FNBP1L: variants seen among roughly 807,000 people sequenced by gnomAD.
FNBP1L encodes formin binding protein 1 like.
A neutral mutation model predicts 91.2 loss-of-function variants in FNBP1L; 36 were observed. The observed-to-expected ratio is 0.39, with a 90% CI of 0.30 to 0.52. FNBP1L has a LOEUF of 0.52. Ranked by LOEUF, FNBP1L falls within the 20% of genes least tolerant of loss-of-function variation. The pLI, the probability that FNBP1L is intolerant of heterozygous loss-of-function variation, is 0.66. For synonymous variants in FNBP1L, 242 were observed against 237.0 expected (o/e 1.02, Z -0.19); for missense variants, 571 against 732.1 (o/e 0.78, Z 2.54).
At chr1:93,509,243 A>G (rs1235512742) in intron 2 of FNBP1L, among the ~76,000 whole-genome samples, 1 of 152,210 alleles carries the variant, frequency 6.6e-6, no homozygotes, top group African/African-American at 2.4e-5. Context: ...CTACAAGTTC[A>G]GACAGTCCAT....
intron 11 of FNBP1L, 140 bp from the exon 12 acceptor site, chr1:93,543,967 C>CGG: frequency 8.7e-6 from 4 of 460,056 alleles, no homozygotes; most frequent in Middle Eastern, 3.2e-4. Context: ...GTGTAGATTT[C>CGG]TTTTTTTTTT....
chr1:93,523,765 G>A (rs772767567), intron 4 of FNBP1L, among the ~76,000 whole-genome samples: 2 of 152,190 alleles, frequency 1.3e-5, no homozygotes, highest in Admixed American at 6.5e-5. Context: ...TTTTTAGATG[G>A]TTGAAAAAAG....
intron 2 of FNBP1L, among the ~76,000 whole-genome samples, chr1:93,507,627 T>G (rs1256124604): frequency 6.6e-6 from 1 of 151,826 alleles, no homozygotes; most frequent in Non-Finnish European, 1.5e-5. Flanking sequence ...AATAAATTCT[T>G]ATTGTATATT....
chr1:93,498,844 T>C (rs761638068), intron 1 of FNBP1L, among the ~76,000 whole-genome samples: 1 of 152,212 alleles, frequency 6.6e-6, no homozygotes, highest in Non-Finnish European at 1.5e-5. Flanking sequence ...AGGTGGGTGA[T>C]GGGACTTCCA....
At chr1:93,552,345 AC>A (rs1426032665) in intron 16 of FNBP1L, 63 bp from the exon 17 acceptor site, 9 of 1,577,804 alleles carry the variant, frequency 5.7e-6, no homozygotes, top group Non-Finnish European at 7.7e-6. Context: ...TAAACTGAAC[AC>A]CCCTTTTGGT....
chr1:93,459,535 A>G (rs1668789196), intron 1 of FNBP1L, among the ~76,000 whole-genome samples: 1 of 152,230 alleles, frequency 6.6e-6, no homozygotes, highest in African/African-American at 2.4e-5. Context: ...ATACCACTTT[A>G]CACCTGTTAT....
In FNBP1L at chr1:93,533,005, TC is replaced by T; in HGVS notation, c.726del (p.Ile243SerfsTer9). ...GFADSERKVI[P>X]IISKCLEGMI... ...TTGCTGACTCAGAACGCAAAGTTAT[TC>T]CCATCATTTCAAAATGTTTGGAAGG... On this transcript the variant is annotated frameshift_variant, in exon 8 of 17. Transcript: ENST00000271234. LOFTEE classifies it high-confidence loss of function. The T allele has an allele frequency of 6.2e-7, 1 of 1,613,330 alleles. No homozygotes were observed. The highest frequency in any genetic ancestry group is 8.5e-7 in the Non-Finnish European group (1 of 1,179,524).
intron 1 of FNBP1L, among the ~76,000 whole-genome samples, chr1:93,498,661 A>G (rs879619516): frequency 6.6e-6 from 1 of 152,200 alleles, no homozygotes; most frequent in Non-Finnish European, 1.5e-5. Flanking sequence ...GCACCAAGTT[A>G]TTAGTCAATT....
At chr1:93,528,726 AGCAAGTTTAGAAGCC>A (rs1671575252) in intron 5 of FNBP1L, among the ~76,000 whole-genome samples, 1 of 152,182 alleles carries the variant, frequency 6.6e-6, no homozygotes, top group Admixed American at 6.6e-5. Flanking sequence ...TTCAAATTCC[AGCAAGTTTAGAAGCC>A]TTTGGGAAAG....
At chr1:93,464,116 C>T in intron 1 of FNBP1L, among the ~76,000 whole-genome samples, 1 of 152,120 alleles carries the variant, frequency 6.6e-6, no homozygotes, top group East Asian at 1.9e-4. Flanking sequence ...AATTGAAACC[C>T]TTGTGCACTT....
chr1:93,459,791 C>G (rs1027321459), intron 1 of FNBP1L, among the ~76,000 whole-genome samples: 1 of 152,170 alleles, frequency 6.6e-6, no homozygotes, highest in Non-Finnish European at 1.5e-5. Context: ...CAACATTATT[C>G]ACACTAGTCA....
intron 1 of FNBP1L, among the ~76,000 whole-genome samples, chr1:93,493,852 G>C (rs1397208663): frequency 6.6e-6 from 1 of 152,128 alleles, no homozygotes; most frequent in Non-Finnish European, 1.5e-5. Context: ...GAACTTAGTG[G>C]TGAAAGACGT....
chr1:93,491,229 G>A (rs1670079396), intron 1 of FNBP1L, among the ~76,000 whole-genome samples: 1 of 152,072 alleles, frequency 6.6e-6, no homozygotes, highest in Non-Finnish European at 1.5e-5. Flanking sequence ...ACAGGCGTGA[G>A]CCACCATGCC....
At chr1:93,532,811 T>G in intron 7 of FNBP1L, 111 bp from the exon 8 acceptor site, 2 of 730,678 alleles carry the variant, frequency 2.7e-6, no homozygotes, top group Non-Finnish European at 4.3e-6. Flanking sequence ...AACAACAGTG[T>G]AACTATGAGG....
rs1671849158 is a variant in FNBP1L at position 93,536,324 on chromosome 1, C to T, written c.991-8C>T. 2 of 1,441,484 alleles carry T rather than the reference C, an allele frequency of 1.4e-6. No individual in the cohort carries two copies. The highest frequency in any genetic ancestry group is 9.1e-7 in the Non-Finnish European group (1 of 1,094,518). The allele number at this position is 1,441,484 out of a possible 1,614,324, so 89.3% of individuals were successfully genotyped here. On this transcript the variant is annotated splice_polypyrimidine_tract_variant and splice_region_variant and intron_variant, in intron 9 of 16. Transcript: ENST00000271234. Reference sequence around the variant, plus strand: ...GCTTATTGATTCCTTTCTTTATTTCCATATTAGCCACAGTCCCCACCCTTA... The same window carrying T: ...GCTTATTGATTCCTTTCTTTATTTCTATATTAGCCACAGTCCCCACCCTTA...
chr1:93,498,271 T>G (rs923937957), intron 1 of FNBP1L, among the ~76,000 whole-genome samples: 3 of 152,180 alleles, frequency 2.0e-5, no homozygotes, highest in Non-Finnish European at 2.9e-5. Context: ...TTGTTGTTTT[T>G]TTTGTTTGTT....
chr1:93,543,940 C>T (rs1415980320), intron 11 of FNBP1L, 167 bp from the exon 12 acceptor site: 2 of 425,928 alleles, frequency 4.7e-6, no homozygotes, highest in Non-Finnish European at 8.7e-6. Flanking sequence ...AACATATACG[C>T]ATAAACACAC....
chr1:93,519,122 A>G (rs1158964423), intron 2 of FNBP1L, among the ~76,000 whole-genome samples: 3 of 152,244 alleles, frequency 2.0e-5, no homozygotes, highest in South Asian at 2.1e-4. Flanking sequence ...TAAATCATTC[A>G]TAACAGTGAG....
At chr1:93,474,507 G>A (rs2101701197) in intron 1 of FNBP1L, among the ~76,000 whole-genome samples, 1 of 152,296 alleles carries the variant, frequency 6.6e-6, no homozygotes, top group South Asian at 2.1e-4. Context: ...TGTGATGAGA[G>A]CTGTGGAAAC....
Sources: allele counts gnomAD v4.1 joint callset (sites outside exome capture counted in the v4.1 genomes callset), GRCh38; gene constraint gnomAD v4.1.1; transcripts MANE v1.5; gene names NCBI Gene and HGNC (gene_info 2026-07-23, HGNC 2026-07-21).